The following ZFAND6 variants were observed in gnomAD, a reference collection of about 807,000 sequenced individuals.
ZFAND6 encodes zinc finger AN1-type containing 6.
Under a neutral mutation model 24.5 loss-of-function variants are expected in ZFAND6, and 12 were observed. The ratio of observed to expected loss-of-function variants is 0.49; its 90% CI spans 0.31 to 0.79. The LOEUF is 0.79. Among genes scored for constraint, ZFAND6 ranks in the 30% least tolerant of loss-of-function variants. The pLI is 0.04. For synonymous variants in ZFAND6, 92 were observed against 81.5 expected (o/e 1.13, Z -0.69); for missense variants, 207 against 245.9 (o/e 0.84, Z 1.06).
chr15:80,063,968 G>A (rs2036474731), intron 1 of ZFAND6, among the ~76,000 whole-genome samples: 1 of 152,204 alleles, frequency 6.6e-6, no homozygotes, highest in Non-Finnish European at 1.5e-5. Context: ...GATTACAGGC[G>A]TGAGCCACCA....
chr15:80,123,904 TTAAA>T (rs2040257667), intron 5 of ZFAND6, among the ~76,000 whole-genome samples: 1 of 152,052 alleles, frequency 6.6e-6, no homozygotes, highest in East Asian at 1.9e-4. Flanking sequence ...ATAAACAAAT[TTAAA>T]TAAGCTAGGT....
intron 2 of ZFAND6, among the ~76,000 whole-genome samples, chr15:80,104,255 T>C (rs1212015268): frequency 6.6e-6 from 1 of 152,204 alleles, no homozygotes; most frequent in African/African-American, 2.4e-5. Flanking sequence ...GGTGGGCGGT[T>C]CACGCCTTAT....
At chr15:80,128,527 ACT>A (rs1051600467) in intron 5 of ZFAND6, among the ~76,000 whole-genome samples, 48 of 152,168 alleles carry the variant, frequency 3.2e-4, no homozygotes, top group African/African-American at 1.1e-3. Flanking sequence ...TGGTCTTAAA[ACT>A]CACATAAAAA....
intron 1 of ZFAND6, among the ~76,000 whole-genome samples, chr15:80,065,537 ATTT>A (rs149756891): frequency 0.02 from 1,523 of 76,248 alleles, 22 homozygotes; most frequent in African/African-American, 0.041. Context: ...TTTGGTTTTG[ATTT>A]TTTTTTTTTT....
chr15:80,087,127 C>T (rs560640918), intron 1 of ZFAND6, among the ~76,000 whole-genome samples: 4 of 152,266 alleles, frequency 2.6e-5, no homozygotes, highest in South Asian at 2.1e-4. Context: ...TGAACATTTG[C>T]GTACAAGTGT....
chr15:80,107,598 G>C (rs950111795), intron 2 of ZFAND6, among the ~76,000 whole-genome samples: 2 of 152,142 alleles, frequency 1.3e-5, no homozygotes, highest in African/African-American at 4.8e-5. Context: ...GCTGAAGCGG[G>C]TGGGTCACCT....
At chr15:80,086,799 A>G (rs898678336) in intron 1 of ZFAND6, among the ~76,000 whole-genome samples, 1 of 152,234 alleles carries the variant, frequency 6.6e-6, no homozygotes, top group Non-Finnish European at 1.5e-5. Context: ...CTGAAACTGT[A>G]CCCATTAAAC....
chr15:80,096,243 A>G (rs1373932758), intron 1 of ZFAND6, among the ~76,000 whole-genome samples: 1 of 152,220 alleles, frequency 6.6e-6, no homozygotes, highest in East Asian at 1.9e-4. Context: ...GTTATATCGT[A>G]AACACCTATA....
chr15:80,086,747 A>G (rs576795635), intron 1 of ZFAND6, among the ~76,000 whole-genome samples: 6 of 152,242 alleles, frequency 3.9e-5, no homozygotes, highest in Non-Finnish European at 8.8e-5. Context: ...TTGTATAACT[A>G]TTACCACTTT....
At chr15:80,060,889 C>T (rs1453442188) in intron 1 of ZFAND6, 3 of 152,218 alleles carry the variant, frequency 2.0e-5, no homozygotes, top group African/African-American at 4.8e-5. Flanking sequence ...CTACTGCACT[C>T]CAGCCTGGCG....
chr15:80,066,310 A>G lies in ZFAND6; in HGVS notation c.-181+6501A>G, dbSNP rs536685839. On this transcript the variant is annotated intron_variant, in intron 1 of 6. Coordinates refer to ENST00000261749, the MANE Select transcript of ZFAND6 (RefSeq NM_019006.4). Reference sequence around the variant, plus strand: ...GGAGTTTCTTTAGCTTTCCCAATCTATCGAAACATAAAAAAAAAAAAAAAC... The same window carrying G: ...GGAGTTTCTTTAGCTTTCCCAATCTGTCGAAACATAAAAAAAAAAAAAAAC... Among the ~76,000 whole-genome samples, 36 of 150,236 alleles carry G rather than the reference A, an allele frequency of 2.4e-4. No individual in the cohort carries two copies. The East Asian group carries it at 6.7e-3, about 28-fold the overall frequency.
chr15:80,115,139 C>T (rs996047863), intron 2 of ZFAND6: 1 of 151,998 alleles, frequency 6.6e-6, no homozygotes, highest in African/African-American at 2.4e-5. Context: ...ACAGCACCAA[C>T]ATCATAGTGT....
At chr15:80,107,879 C>A (rs12914285) in intron 2 of ZFAND6, among the ~76,000 whole-genome samples, 1 of 136,972 alleles carries the variant, frequency 7.3e-6, no homozygotes, top group Non-Finnish European at 1.5e-5. Context: ...GGGAGGGCAG[C>A]GGGGAGGGGG....
At chr15:80,095,546 G>A (rs576438298) in intron 1 of ZFAND6, among the ~76,000 whole-genome samples, 1 of 152,182 alleles carries the variant, frequency 6.6e-6, no homozygotes, top group East Asian at 1.9e-4. Flanking sequence ...TGGTAACTTT[G>A]TCTAAATCAA....
At position 80,101,916 on chromosome 15, in the gene ZFAND6, C is replaced by T. The variant is rs183312886; in HGVS notation, c.-18+3338C>T. 5.7e-4 allele frequency among the ~76,000 whole-genome samples: 86 copies of T among 151,232 alleles called. 1 individual carries two copies. The East Asian group carries it at 8.8e-3, about 16-fold the overall frequency. ...CATGCCCTTCTCCTGCCTTAGCTTCCGGAGTAGCTGGGACTACAGGCTCCT... is the reference window on the plus strand; with the variant it reads ...CATGCCCTTCTCCTGCCTTAGCTTCTGGAGTAGCTGGGACTACAGGCTCCT... On this transcript the variant is annotated intron_variant, in intron 2 of 6. Coordinates refer to ENST00000261749, the MANE Select transcript of ZFAND6 (RefSeq NM_019006.4).
chr15:80,128,317 G>T (rs1443366054), intron 5 of ZFAND6, among the ~76,000 whole-genome samples: 1 of 152,150 alleles, frequency 6.6e-6, no homozygotes, highest in African/African-American at 2.4e-5. Flanking sequence ...GAATTTTATG[G>T]TATGTGAAAT....
intron 6 of ZFAND6, among the ~76,000 whole-genome samples, chr15:80,133,312 C>G (rs1325084769): frequency 6.6e-6 from 1 of 151,924 alleles, no homozygotes; most frequent in African/African-American, 2.4e-5. Context: ...CCTGCCCCAG[C>G]CTCCCAAGTA....
At chr15:80,064,675 C>G (rs2036518992) in intron 1 of ZFAND6, among the ~76,000 whole-genome samples, 3 of 152,098 alleles carry the variant, frequency 2.0e-5, no homozygotes, top group South Asian at 2.1e-4. Flanking sequence ...CGGTCTTGCT[C>G]TATCACCCAG....
chr15:80,086,694 T>C (rs772562469), intron 1 of ZFAND6, among the ~76,000 whole-genome samples: 8 of 149,534 alleles, frequency 5.3e-5, no homozygotes, highest in Non-Finnish European at 8.8e-5. Context: ...ATTTAAACTG[T>C]TTTTAAATAG....
Sources: allele counts gnomAD v4.1 joint callset (sites outside exome capture counted in the v4.1 genomes callset), GRCh38; gene constraint gnomAD v4.1.1; transcripts MANE v1.5; gene names NCBI Gene and HGNC (gene_info 2026-07-23, HGNC 2026-07-21).